The following DAB1 variants were observed in gnomAD, a reference collection of about 807,000 sequenced individuals.
DAB1 encodes disabled homolog 1.
DAB1 carries 15 observed loss-of-function variants against 64.6 expected under a neutral mutation model. The observed-to-expected ratio is 0.23, with a 90% CI of 0.16 to 0.36. The LOEUF (loss-of-function observed/expected upper bound fraction) is 0.36, where lower values mean the gene tolerates loss of function less well. DAB1 is among the 10% of genes least tolerant of loss of function. The probability of loss-of-function intolerance (pLI) is 1.00; values close to 1 mark genes in which losing one functional copy is unlikely to be tolerated. For synonymous variants in DAB1, 235 were observed against 251.9 expected, an observed-to-expected ratio of 0.93 and a Z score of 0.64; for missense variants, 596 against 706.7, an observed-to-expected ratio of 0.84 and a Z score of 1.78.
In DAB1 at chr1:57,618,234, G is replaced by A. The variant is rs546788100; in HGVS notation, n.625+31358C>T. ...GTTCAAGACCGGCCTAGCCAACATGGTGAAACCCCATCTCTACTAAAAATA... is the reference window on the plus strand; with the variant it reads ...GTTCAAGACCGGCCTAGCCAACATGATGAAACCCCATCTCTACTAAAAATA... On this transcript the variant is annotated intron_variant and non_coding_transcript_variant, in intron 7 of 20. Transcript: ENST00000485760. 8.5e-5 allele frequency among the ~76,000 whole-genome samples: 13 copies of A among 152,220 alleles called. No homozygotes were observed. The South Asian group carries it at 2.7e-3, about 32-fold the overall frequency.
At chr1:58,493,117 C>CAAATCAAT (rs1457061560) in intron 3 of DAB1, among the ~76,000 whole-genome samples, 1 of 152,086 alleles carries the variant, frequency 6.6e-6, no homozygotes, top group Non-Finnish European at 1.5e-5. Flanking sequence ...TCAACATACG[C>CAAATCAAT]AAATCAATAA....
intron 5 of DAB1, among the ~76,000 whole-genome samples, chr1:57,910,294 T>C (rs1884487): frequency 0.44 from 66,640 of 151,932 alleles, 15,801 homozygotes; most frequent in African/African-American, 0.62. Context: ...TTTTTGAACA[T>C]CTTTACTGCT....
intron 6 of DAB1, among the ~76,000 whole-genome samples, chr1:57,670,155 T>C (rs1021404755): frequency 2.0e-5 from 3 of 152,170 alleles, no homozygotes; most frequent in Non-Finnish European, 4.4e-5. Context: ...TATTTATTAA[T>C]AATAGAGAGG....
intron 4 of DAB1, among the ~76,000 whole-genome samples, chr1:58,326,069 C>T (rs1045076214): frequency 1.3e-5 from 2 of 152,174 alleles, no homozygotes; most frequent in African/African-American, 4.8e-5. Context: ...CTCCAGGGGA[C>T]AATGTATTCA....
intron 3 of DAB1, among the ~76,000 whole-genome samples, chr1:58,490,898 T>C (rs1317832225): frequency 2.2e-5 from 3 of 135,654 alleles, no homozygotes; most frequent in African/African-American, 5.4e-5. Flanking sequence ...CTCTGCCTCC[T>C]GGGTTCACAC....
chr1:57,185,421 G>A (rs778468544), intron 2 of DAB1, among the ~76,000 whole-genome samples: 9 of 152,136 alleles, frequency 5.9e-5, no homozygotes, highest in Non-Finnish European at 1.3e-4. Flanking sequence ...CCTGGGCAAA[G>A]AGAAGGGAGC....
intron 6 of DAB1, among the ~76,000 whole-genome samples, chr1:57,743,300 C>T (rs959955465): frequency 6.6e-6 from 1 of 152,204 alleles, no homozygotes; most frequent in Non-Finnish European, 1.5e-5. Context: ...GATCAATGTA[C>T]TTTGTAATCT....
At chr1:57,612,887 T>C (rs896048034) in intron 7 of DAB1, among the ~76,000 whole-genome samples, 1 of 152,160 alleles carries the variant, frequency 6.6e-6, no homozygotes, top group Non-Finnish European at 1.5e-5. Flanking sequence ...AAAGGATTTG[T>C]TGCATCAGTG....
intron 2 of DAB1, among the ~76,000 whole-genome samples, chr1:58,508,203 T>TA (rs1266244287): frequency 2.0e-5 from 3 of 152,174 alleles, no homozygotes. Context: ...AATGTTAAGA[T>TA]AAGAGTGTTG....
At chr1:57,453,164 CTG>C (rs142019700) in intron 7 of DAB1, among the ~76,000 whole-genome samples, 3,654 of 152,096 alleles carry the variant, frequency 0.024, 156 homozygotes, top group African/African-American at 0.083. Flanking sequence ...AAAGTTATGT[CTG>C]TGAATATTTA....
intron 5 of DAB1, among the ~76,000 whole-genome samples, chr1:57,915,217 C>A (rs1356017278): frequency 6.6e-6 from 1 of 151,042 alleles, no homozygotes; most frequent in Admixed American, 6.6e-5. Context: ...AATGGAATGG[C>A]AAAACTATTA....
intron 6 of DAB1, among the ~76,000 whole-genome samples, chr1:57,651,459 A>G (rs939699101): frequency 3.9e-5 from 6 of 152,220 alleles, no homozygotes; most frequent in African/African-American, 1.4e-4. Context: ...AATTCAATTT[A>G]GTCTACTCAT....
At chr1:57,250,402 G>C (rs560069085) in intron 2 of DAB1, among the ~76,000 whole-genome samples, 1 of 152,160 alleles carries the variant, frequency 6.6e-6, no homozygotes, top group East Asian at 1.9e-4. Context: ...TAAAATACTG[G>C]TGTACCTACG....
chr1:57,534,708 C>T (rs541619571), intron 7 of DAB1, among the ~76,000 whole-genome samples: 25 of 152,132 alleles, frequency 1.6e-4, no homozygotes, highest in Non-Finnish European at 2.2e-4. Context: ...CCAGTCTCTA[C>T]GAGAAGGCTC....
chr1:57,461,959 T>G (rs1423432844), intron 7 of DAB1, among the ~76,000 whole-genome samples: 22 of 146,536 alleles, frequency 1.5e-4, no homozygotes, highest in African/African-American at 5.3e-4. Flanking sequence ...TTTTTTTTTT[T>G]TTTTTTTTTT....
intron 5 of DAB1, among the ~76,000 whole-genome samples, chr1:58,081,155 C>T (rs1379118833): frequency 3.3e-5 from 5 of 152,148 alleles, no homozygotes; most frequent in African/African-American, 1.2e-4. Flanking sequence ...GAGAAAATAG[C>T]ACTGAACCAG....
chr1:57,338,621 C>T (rs1309427837), intron 1 of DAB1, among the ~76,000 whole-genome samples: 1 of 152,076 alleles, frequency 6.6e-6, no homozygotes, highest in African/African-American at 2.4e-5. Context: ...TGTTGCAAAA[C>T]CCATATGTAG....
intron 3 of DAB1, among the ~76,000 whole-genome samples, chr1:58,483,580 T>C (rs2100353890): frequency 6.6e-6 from 1 of 152,356 alleles, no homozygotes; most frequent in East Asian, 1.9e-4. Flanking sequence ...AAGATTTCCT[T>C]ATATCTAGTG....
At chr1:57,177,854 A>G (rs1024850245) in intron 2 of DAB1, among the ~76,000 whole-genome samples, 7 of 152,196 alleles carry the variant, frequency 4.6e-5, no homozygotes, top group African/African-American at 1.7e-4. Context: ...CACAGAGTCT[A>G]TACTCTTCTA....
Sources: gnomAD v4.1 joint callset for allele counts (sites outside exome capture counted in the v4.1 genomes callset) on GRCh38, gnomAD v4.1.1 for gene constraint, MANE v1.5 for transcripts, NCBI Gene and HGNC (gene_info 2026-07-23, HGNC 2026-07-21) for gene names.